Variants in RP1 observed in about 807,000 individuals in gnomAD.
RP1 encodes RP1 axonemal microtubule associated.
RP1 carries 16 observed loss-of-function variants against 14.8 expected under a neutral mutation model. That is an observed-to-expected ratio of 1.08 (90% CI 0.73 to 1.65). The LOEUF is 1.65. Among genes scored for constraint, RP1 ranks in the 40% most tolerant of loss-of-function variants. The pLI is 0.00. For synonymous variants in RP1, 876 were observed against 883.6 expected (o/e 0.99, Z 0.15); for missense variants, 2,631 against 2,535.0 (o/e 1.04, Z -0.81).
chr8:54,676,617 C>T (rs920602157), intron 8 of RP1, among the ~76,000 whole-genome samples: 8 of 152,306 alleles, frequency 5.3e-5, no homozygotes, highest in East Asian at 1.9e-4. Flanking sequence ...CTTACCCGTC[C>T]CTAATCCCTG....
At chr8:54,850,437 G>A (rs187106993) in intron 25 of RP1, among the ~76,000 whole-genome samples, 80 of 152,258 alleles carry the variant, frequency 5.3e-4, no homozygotes, top group African/African-American at 1.9e-3. Flanking sequence ...TCCTTCCCTT[G>A]AGGTCAGATA....
At chr8:54,782,620 A>C (rs1455182178) in intron 23 of RP1, among the ~76,000 whole-genome samples, 2 of 152,166 alleles carry the variant, frequency 1.3e-5, no homozygotes, top group Non-Finnish European at 2.9e-5. Flanking sequence ...CACTGCACAG[A>C]GTTCTAACTG....
chr8:54,700,294 G>A (rs1585618535), intron 13 of RP1, among the ~76,000 whole-genome samples: 1 of 151,530 alleles, frequency 6.6e-6, no homozygotes, highest in East Asian at 1.9e-4. Flanking sequence ...CTGCAGCCTC[G>A]AATTCCTGGG....
intron 24 of RP1, among the ~76,000 whole-genome samples, chr8:54,822,392 T>C (rs148185136): frequency 1.3e-4 from 20 of 152,334 alleles, no homozygotes; most frequent in African/African-American, 4.3e-4. Flanking sequence ...CAGTATAGCA[T>C]AGTTCTTTAT....
At chr8:54,575,642 AT>A (rs985361017) in intron 1 of RP1, among the ~76,000 whole-genome samples, 2 of 152,030 alleles carry the variant, frequency 1.3e-5, no homozygotes, top group African/African-American at 4.8e-5. Flanking sequence ...TTTTATTTTT[AT>A]TTTAGTTTCA....
At chr8:54,649,297 A>T in intron 4 of RP1, 2 of 564,936 alleles carry the variant, frequency 3.5e-6, no homozygotes, top group Non-Finnish European at 5.5e-6. Flanking sequence ...GCTCAAGCAG[A>T]TTTAACACAA....
intron 24 of RP1, among the ~76,000 whole-genome samples, chr8:54,794,020 C>T (rs914123035): frequency 6.6e-6 from 1 of 151,654 alleles, no homozygotes; most frequent in Non-Finnish European, 1.5e-5. Context: ...TCATACATCT[C>T]TACACTTAAA....
intron 1 of RP1, among the ~76,000 whole-genome samples, chr8:54,591,609 T>C (rs866034384): frequency 6.6e-6 from 1 of 152,304 alleles, no homozygotes; most frequent in South Asian, 2.1e-4. Flanking sequence ...TTGTTTTTGC[T>C]GTCTGTAGTT....
At chr8:54,670,635 T>G (rs1807150720) in intron 7 of RP1, among the ~76,000 whole-genome samples, 1 of 108,746 alleles carries the variant, frequency 9.2e-6, no homozygotes, top group Non-Finnish European at 1.9e-5. Flanking sequence ...ACTCTGATGT[T>G]AGGTGCACAT....
chr8:54,674,044 T>C, intron 8 of RP1: 1 of 724,014 alleles, frequency 1.4e-6, no homozygotes, highest in Non-Finnish European at 2.2e-6. Context: ...CTCTATGTAT[T>C]GACTATATGA....
intron 19 of RP1, among the ~76,000 whole-genome samples, chr8:54,743,624 C>T (rs1474232228): frequency 6.6e-6 from 1 of 152,078 alleles, no homozygotes; most frequent in Non-Finnish European, 1.5e-5. Context: ...CTGTAAGCCC[C>T]TATATTTTTT....
In RP1 at chr8:54,630,503, T is replaced by G; in HGVS notation, c.*150T>G. On this transcript the variant is annotated 3_prime_UTR_variant, in exon 4 of 4. Coordinates refer to ENST00000220676, the MANE Select transcript of RP1 (RefSeq NM_006269.2). ...AAAGCTTACCCTTGGATAACCAGTT[T>G]GACTTTCATAATGTCTCTGTTTTTT... The G allele has an allele frequency of 6.9e-7, 1 of 1,458,270 alleles. No homozygotes were observed. The highest frequency in any genetic ancestry group is 2.5e-5 in the East Asian group (1 of 39,868). The allele number at this position is 1,458,270 out of a possible 1,614,324, so 90.3% of individuals were successfully genotyped here.
chr8:54,629,210 T>C lies in RP1; in HGVS notation c.5328T>C (p.Leu1776=), dbSNP rs758301176. 9.3e-6 allele frequency: 15 copies of C among 1,613,954 alleles called. No homozygotes were observed. The highest frequency in any genetic ancestry group is 1.3e-5 in the African/African-American group (1 of 74,920). The change falls in exon 4 of 4, where the codon CTT becomes CTC. Residue 1776 remains leucine, a synonymous_variant. Coordinates refer to ENST00000220676, the MANE Select transcript of RP1 (RefSeq NM_006269.2). ...NADTTSVDTL[L]DNNSSEVPYS... is the part of the protein sequence containing the mutation. ...ACACCACATCAGTGGACACCCTACT[T>C]GATAATAACAGCAGTGAGGTACCAT...
intron 25 of RP1, among the ~76,000 whole-genome samples, chr8:54,840,250 T>A (rs765370422): frequency 6.6e-6 from 1 of 152,140 alleles, no homozygotes; most frequent in Non-Finnish European, 1.5e-5. Flanking sequence ...TTTTAATGGC[T>A]GCATTATTAT....
At chr8:54,654,910 G>A (rs767141863) in intron 5 of RP1, among the ~76,000 whole-genome samples, 1 of 152,158 alleles carries the variant, frequency 6.6e-6, no homozygotes, top group Non-Finnish European at 1.5e-5. Context: ...GGCCCACAAA[G>A]TGCTGGGATT....
At chr8:54,802,010 T>C (rs1401088808) in intron 24 of RP1, among the ~76,000 whole-genome samples, 1 of 152,210 alleles carries the variant, frequency 6.6e-6, no homozygotes, top group Non-Finnish European at 1.5e-5. Flanking sequence ...TTTATTTATT[T>C]TCTTTTTATT....
At chr8:54,643,590 C>T (rs1046251399) in intron 3 of RP1, among the ~76,000 whole-genome samples, 4 of 152,214 alleles carry the variant, frequency 2.6e-5, no homozygotes, top group Non-Finnish European at 5.9e-5. Context: ...GTAGAGTCAC[C>T]TCTTGTTTGC....
At chr8:54,580,823 T>A (rs1389871847) in intron 1 of RP1, among the ~76,000 whole-genome samples, 1 of 151,946 alleles carries the variant, frequency 6.6e-6, no homozygotes, top group African/African-American at 2.4e-5. Context: ...TTCTCCATAT[T>A]GGCCAGGCTG....
chr8:54,789,763 G>T (rs922247624), intron 24 of RP1, among the ~76,000 whole-genome samples: 2 of 152,180 alleles, frequency 1.3e-5, no homozygotes, highest in Non-Finnish European at 2.9e-5. Flanking sequence ...ACAATCTACA[G>T]ATTCTCCCAA....
Sources: gnomAD v4.1 joint callset for allele counts (sites outside exome capture counted in the v4.1 genomes callset) on GRCh38, gnomAD v4.1.1 for gene constraint, MANE v1.5 for transcripts, NCBI Gene and HGNC (gene_info 2026-07-23, HGNC 2026-07-21) for gene names.